NSUN6: variants seen among roughly 807,000 people sequenced by gnomAD.
NSUN6 encodes tRNA (cytosine(72)-C(5))-methyltransferase NSUN6.
In NSUN6, 64 loss-of-function variants were observed where a neutral mutation model predicts 58.0. The ratio of observed to expected loss-of-function variants is 1.10; its 90% CI spans 0.90 to 1.36. The LOEUF is 1.36. Among genes scored for constraint, NSUN6 ranks in the 40% most tolerant of loss-of-function variants. The pLI is 0.00. For missense variants in NSUN6, 701 were observed against 550.1 expected (o/e 1.27, Z -2.74); for synonymous variants, 231 against 193.9 (o/e 1.19, Z -1.59).
intron 3 of NSUN6, among the ~76,000 whole-genome samples, chr10:18,640,168 A>C (rs1011755067): frequency 3.9e-5 from 6 of 152,254 alleles, no homozygotes; most frequent in Non-Finnish European, 8.8e-5. Flanking sequence ...CAAATTGCAG[A>C]ACATTGTAAT....
chr10:18,659,179 C>A (rs945959323), upstream of NSUN6: 87 of 164,338 alleles, frequency 5.3e-4, no homozygotes, highest in Non-Finnish European at 2.1e-4. Context: ...AAATTTCCCA[C>A]CCCCCCGCGA....
intron 2 of NSUN6, 73 bp downstream of exon 2, chr10:18,648,417 T>A: frequency 2.1e-6 from 2 of 945,482 alleles, no homozygotes; most frequent in Non-Finnish European, 3.3e-6. Context: ...ATATCATTCA[T>A]AGGATTTTAA....
chr10:18,595,131 C>A (rs1018539154), intron 7 of NSUN6, among the ~76,000 whole-genome samples: 1 of 152,096 alleles, frequency 6.6e-6, no homozygotes, highest in Non-Finnish European at 1.5e-5. Flanking sequence ...AATGGGCCCA[C>A]CCAAGATCAT....
chr10:18,565,666 A>G (rs371726931), intron 8 of NSUN6, among the ~76,000 whole-genome samples: 1 of 147,626 alleles, frequency 6.8e-6, no homozygotes, highest in Non-Finnish European at 1.5e-5. Flanking sequence ...TTTCCACTAC[A>G]TTCCATTCCA....
rs368146736 is a variant in NSUN6, at chr10:18,548,116, G to A, written c.1193C>T (p.Pro398Leu). ...LTKFPCLQLQ[P>L]QEPQIGGEGM... The stretch of plus-strand genomic sequence containing the variant: ...GAAAAATGAAATTACTCCTACCTGG[G>A]GCTGAAGCTGAAGGCAAGGAAATTT... The change falls in exon 10 of 11, where the codon CCC becomes CTC. Residue 398 changes from proline (P) to leucine (L), a missense_variant. Coordinates refer to ENST00000377304, the MANE Select transcript of NSUN6 (RefSeq NM_182543.5). The A allele has an allele frequency of 6.2e-7, 1 of 1,613,122 alleles. No homozygotes were observed.
chr10:18,616,108 A>G (rs2058399916), intron 4 of NSUN6, 76 bp downstream of exon 4: 1 of 886,528 alleles, frequency 1.1e-6, no homozygotes, highest in Non-Finnish European at 1.8e-6. Flanking sequence ...CTTAGTGACA[A>G]ATCAATAAAT....
intron 8 of NSUN6, among the ~76,000 whole-genome samples, chr10:18,557,165 T>C (rs1171251944): frequency 1.4e-5 from 2 of 147,768 alleles, no homozygotes; most frequent in Non-Finnish European, 3.0e-5. Flanking sequence ...CAGTGGTGAA[T>C]AGAATGGAAT....
intron 8 of NSUN6, among the ~76,000 whole-genome samples, chr10:18,561,603 T>A (rs1163000217): frequency 7.7e-6 from 1 of 129,446 alleles, no homozygotes; most frequent in African/African-American, 3.0e-5. Context: ...GAGAATGGAA[T>A]GGAATGCAGT....
At chr10:18,593,344 A>G (rs911124267) in intron 7 of NSUN6, among the ~76,000 whole-genome samples, 1 of 152,206 alleles carries the variant, frequency 6.6e-6, no homozygotes. Flanking sequence ...TGACCCAGCA[A>G]TCCCATTACT....
chr10:18,636,084 A>AT (rs2059205022), intron 3 of NSUN6, among the ~76,000 whole-genome samples: 1 of 151,874 alleles, frequency 6.6e-6, no homozygotes, highest in Non-Finnish European at 1.5e-5. Flanking sequence ...GGGAAATACT[A>AT]TGTGGCCTGA....
At chr10:18,597,705 G>C (rs1564779660) in intron 6 of NSUN6, among the ~76,000 whole-genome samples, 1 of 152,172 alleles carries the variant, frequency 6.6e-6, no homozygotes, top group Non-Finnish European at 1.5e-5. Context: ...GGTGGAGTTT[G>C]CAGTGAGCAG....
intron 6 of NSUN6, among the ~76,000 whole-genome samples, chr10:18,598,954 C>T (rs571995270): frequency 2.0e-5 from 3 of 152,230 alleles, no homozygotes; most frequent in South Asian, 4.1e-4. Context: ...ATAAGAAATA[C>T]ATTAAGAACT....
chr10:18,567,533 GTTCTCCATTCCATTCTCTTCCA>G (rs2056050752), intron 8 of NSUN6, among the ~76,000 whole-genome samples: 1 of 131,832 alleles, frequency 7.6e-6, no homozygotes, highest in East Asian at 2.4e-4. Flanking sequence ...ATCCCATTCC[GTTCTCCATTCCATTCTCTTCCA>G]TTCTCCATTC....
At chr10:18,617,006 T>C (rs7895709) in intron 3 of NSUN6, among the ~76,000 whole-genome samples, 94,084 of 151,756 alleles carry the variant, frequency 0.62, 29,576 homozygotes, top group East Asian at 0.98. Flanking sequence ...ATACCCACTC[T>C]TTCCTGGTCC....
Position 18,651,251 on chromosome 10 carries a change from GTTTT to G in NSUN6, c.-52_-49del, listed in dbSNP as rs1564854113. On this transcript the variant is annotated 5_prime_UTR_variant, in exon 1 of 11. Transcript: ENST00000377304. ...ACCAAGAGAAATGCTGGAAAACGGT[GTTTT>G]GTTTTTTTTTTTCTTTCCGAATTAA... 6.8e-7 allele frequency: 1 copy of G among 1,474,536 alleles called. No individual in the cohort carries two copies. Among genetic ancestry groups the G allele is most frequent in the South Asian group, 1.3e-5 (1 of 74,858 alleles). 91.3% of individuals were successfully genotyped at this position (1,474,536 alleles called of 1,614,324 possible).
chr10:18,638,129 G>A (rs1487041456), intron 3 of NSUN6, among the ~76,000 whole-genome samples: 2 of 150,672 alleles, frequency 1.3e-5, no homozygotes, highest in Non-Finnish European at 2.9e-5. Context: ...ATAAAGAAGA[G>A]GTGTTTAACA....
At chr10:18,625,358 A>G (rs2058754800) in intron 3 of NSUN6, among the ~76,000 whole-genome samples, 1 of 152,200 alleles carries the variant, frequency 6.6e-6, no homozygotes, top group Non-Finnish European at 1.5e-5. Flanking sequence ...AGAGAAAAAT[A>G]TTCAAAGAAA....
At chr10:18,556,408 G>A (rs909577115) in intron 8 of NSUN6, among the ~76,000 whole-genome samples, 1 of 150,868 alleles carries the variant, frequency 6.6e-6, no homozygotes, top group African/African-American at 2.4e-5. Flanking sequence ...AAACAGAAGG[G>A]AGAATGGAAT....
chr10:18,586,740 C>G (rs1564763228), intron 7 of NSUN6, among the ~76,000 whole-genome samples: 3 of 152,286 alleles, frequency 2.0e-5, no homozygotes, highest in East Asian at 3.9e-4. Context: ...AACGAAAGAA[C>G]AAAGTTTCCA....
Sources: gnomAD v4.1 joint callset for allele counts (sites outside exome capture counted in the v4.1 genomes callset) on GRCh38, gnomAD v4.1.1 for gene constraint, MANE v1.5 for transcripts, NCBI Gene and HGNC (gene_info 2026-07-23, HGNC 2026-07-21) for gene names.